The following ARHGEF12 variants were observed in gnomAD, a reference collection of about 807,000 sequenced individuals.
The protein encoded by ARHGEF12 is KMT2A/ARHGEF12 fusion protein.
Under a neutral mutation model 211.2 loss-of-function variants are expected in ARHGEF12, and 66 were observed. The ratio of observed to expected loss-of-function variants is 0.31; its 90% CI spans 0.26 to 0.38. The LOEUF is 0.38. Among genes scored for constraint, ARHGEF12 ranks in the 10% least tolerant of loss-of-function variants. The pLI, the probability that ARHGEF12 is intolerant of heterozygous loss-of-function variation, is 1.00. For synonymous variants in ARHGEF12, 592 were observed against 638.4 expected (o/e 0.93, Z 1.09); for missense variants, 1,429 against 1,869.5 (o/e 0.76, Z 4.34).
chr11:120,386,425 A>C (rs1173093346), intron 1 of ARHGEF12, among the ~76,000 whole-genome samples: 1 of 152,160 alleles, frequency 6.6e-6, no homozygotes, highest in Non-Finnish European at 1.5e-5. Flanking sequence ...GACTGAAAAC[A>C]TGTTGAAGCG....
intron 1 of ARHGEF12, among the ~76,000 whole-genome samples, chr11:120,361,052 A>G (rs527881200): frequency 6.6e-6 from 1 of 152,368 alleles, no homozygotes; most frequent in Non-Finnish European, 1.5e-5. Context: ...AAGTCTGCGT[A>G]CTTGGAAAGA....
intron 12 of ARHGEF12, 51 bp downstream of exon 12, chr11:120,437,433 C>T (rs1945728356): frequency 2.8e-6 from 4 of 1,442,664 alleles, no homozygotes; most frequent in Non-Finnish European, 3.8e-6. Context: ...TTTCCTTATA[C>T]TTAAAGTATG....
intron 39 of ARHGEF12, among the ~76,000 whole-genome samples, chr11:120,483,639 G>C (rs1194095768): frequency 7.2e-6 from 1 of 138,786 alleles, no homozygotes; most frequent in Non-Finnish European, 1.6e-5. Flanking sequence ...TTTTGAGACA[G>C]AGTCTTGCTC....
At chr11:120,370,184 A>C (rs974470251) in intron 1 of ARHGEF12, among the ~76,000 whole-genome samples, 1 of 152,190 alleles carries the variant, frequency 6.6e-6, no homozygotes, top group Non-Finnish European at 1.5e-5. Flanking sequence ...GATATGAGGT[A>C]GGGATTGAGT....
At chr11:120,400,015 T>C (rs1944511871) in intron 1 of ARHGEF12, among the ~76,000 whole-genome samples, 1 of 152,198 alleles carries the variant, frequency 6.6e-6, no homozygotes. Flanking sequence ...TCAACGACAC[T>C]TAAAAGCTAA....
intron 22 of ARHGEF12, among the ~76,000 whole-genome samples, chr11:120,455,943 T>C (rs1466099050): frequency 6.6e-6 from 1 of 152,208 alleles, no homozygotes; most frequent in African/African-American, 2.4e-5. Flanking sequence ...TCTTTAGCAA[T>C]TGATGGTGTG....
chr11:120,386,136 G>A (rs622373), intron 1 of ARHGEF12, among the ~76,000 whole-genome samples: 111,720 of 152,062 alleles, frequency 0.73, 42,106 homozygotes, highest in East Asian at 1. Context: ...CTTGTCAGCT[G>A]AAATGTTGAT....
chr11:120,434,911 C>G (rs971546797), intron 11 of ARHGEF12, among the ~76,000 whole-genome samples: 2 of 152,138 alleles, frequency 1.3e-5, no homozygotes, highest in Non-Finnish European at 2.9e-5. Context: ...GTTTGTACCC[C>G]CTATTCCTCA....
intron 1 of ARHGEF12, among the ~76,000 whole-genome samples, chr11:120,366,946 G>A (rs1207730982): frequency 1.3e-5 from 2 of 152,118 alleles, no homozygotes; most frequent in African/African-American, 4.8e-5. Flanking sequence ...AACCTGAGAG[G>A]CGGAGGTTGC....
intron 1 of ARHGEF12, among the ~76,000 whole-genome samples, chr11:120,358,610 A>C (rs778007356): frequency 6.6e-6 from 1 of 152,162 alleles, no homozygotes; most frequent in Non-Finnish European, 1.5e-5. Flanking sequence ...AAATGTGGCT[A>C]TTTACATTTA....
At position 120,336,880 on chromosome 11, in the gene ARHGEF12, C is replaced by T. The variant is rs1467879297; in HGVS notation, c.-364C>T. 3 of 413,482 alleles carry T rather than the reference C, an allele frequency of 7.3e-6. No homozygotes were observed. The highest frequency in any genetic ancestry group is 1.3e-5 in the Non-Finnish European group (3 of 235,092). 25.6% of individuals were successfully genotyped at this position (413,482 alleles called of 1,614,324 possible). A position where few individuals can be genotyped will look rare whatever the true frequency, so the allele number is the denominator to read the frequency against. ...CTCCGGAGGAGGAGCCGACACCCGTCCGTGAGCTGATCCCGCCCCAGCCCC... is the reference window on the plus strand; with the variant it reads ...CTCCGGAGGAGGAGCCGACACCCGTTCGTGAGCTGATCCCGCCCCAGCCCC... On this transcript the variant is annotated 5_prime_UTR_variant, in exon 1 of 41. Transcript: ENST00000397843.
At chr11:120,407,615 A>T in intron 2 of ARHGEF12, 123 bp from the exon 3 acceptor site, 1 of 651,852 alleles carries the variant, frequency 1.5e-6, no homozygotes, top group African/African-American at 1.8e-5. Context: ...AGAGAGGCTT[A>T]TGGTGCTGTG....
chr11:120,415,379 T>C (rs545882932), intron 4 of ARHGEF12, among the ~76,000 whole-genome samples: 16 of 152,330 alleles, frequency 1.1e-4, no homozygotes, highest in South Asian at 4.1e-4. Flanking sequence ...CAAGTAGTCT[T>C]GGGTTCTTCA....
At chr11:120,353,520 T>C (rs980108815) in intron 1 of ARHGEF12, among the ~76,000 whole-genome samples, 1 of 152,166 alleles carries the variant, frequency 6.6e-6, no homozygotes, top group African/African-American at 2.4e-5. Context: ...ATCCAGTCCC[T>C]TCCTGGAATA....
chr11:120,422,758 A>G (rs1945231135), intron 6 of ARHGEF12, among the ~76,000 whole-genome samples: 2 of 152,212 alleles, frequency 1.3e-5, no homozygotes, highest in Non-Finnish European at 1.5e-5. Flanking sequence ...AGATATAAGA[A>G]TCACTAAAGA....
chr11:120,437,290 T>A lies in ARHGEF12; in HGVS notation c.925-18T>A, dbSNP rs747633019. The A allele has an allele frequency of 6.3e-7, 1 of 1,580,264 alleles. No homozygotes were observed. Among genetic ancestry groups the A allele is most frequent in the Non-Finnish European group, 8.6e-7 (1 of 1,159,042 alleles). ...TGTGCCTATTGAAATGAACTGAAGA[T>A]CTTGTTTTTTTCATTAGAGTCCCAA... is the stretch of plus-strand genomic sequence containing the variant. On this transcript the variant is annotated intron_variant, in intron 11 of 40. Coordinates refer to ENST00000397843, the MANE Select transcript of ARHGEF12 (RefSeq NM_015313.3).
At chr11:120,383,138 CA>C (rs1292162428) in intron 1 of ARHGEF12, among the ~76,000 whole-genome samples, 15 of 146,446 alleles carry the variant, frequency 1.0e-4, no homozygotes, top group Admixed American at 2.7e-4. Context: ...GACTCCGTCT[CA>C]AAAAAAAAAG....
intron 30 of ARHGEF12, among the ~76,000 whole-genome samples, 170 bp downstream of exon 30, chr11:120,469,558 C>T (rs1169371798): frequency 1.3e-5 from 2 of 152,146 alleles, no homozygotes; most frequent in African/African-American, 2.4e-5. Flanking sequence ...GATAGAATAT[C>T]GGAGTTGTAT....
intron 1 of ARHGEF12, among the ~76,000 whole-genome samples, chr11:120,349,362 C>CT (rs1565418888): frequency 6.6e-6 from 1 of 151,110 alleles, no homozygotes; most frequent in East Asian, 1.9e-4. Context: ...CCCTGGCCGA[C>CT]TTTTTTTTTG....
Sources: allele counts gnomAD v4.1 joint callset (sites outside exome capture counted in the v4.1 genomes callset), GRCh38; gene constraint gnomAD v4.1.1; transcripts MANE v1.5; gene names NCBI Gene and HGNC (gene_info 2026-07-23, HGNC 2026-07-21).